The following MELTF variants were observed in gnomAD, a reference collection of about 807,000 sequenced individuals.
MELTF encodes antigen p97 (melanoma associated) identified by monoclonal antibodies 133.2 and 96.5.
In MELTF, 67 loss-of-function variants were observed where a neutral mutation model predicts 83.7. The observed-to-expected ratio is 0.80, with a 90% confidence interval of 0.66 to 0.98. MELTF has a LOEUF of 0.98. MELTF is among the 50% of genes least tolerant of loss of function. The probability of loss-of-function intolerance (pLI) is 0.00; values close to 1 mark genes in which losing one functional copy is unlikely to be tolerated. For synonymous variants in MELTF, 462 were observed against 447.6 expected (o/e 1.03, Z -0.41); for missense variants, 1,002 against 1,035.6 (o/e 0.97, Z 0.44).
At chr3:197,010,612 G>A in intron 10 of MELTF, 86 bp downstream of exon 10, 1 of 1,188,518 alleles carries the variant, frequency 8.4e-7, no homozygotes, top group Non-Finnish European at 1.2e-6. Context: ...TGGAGCTTTT[G>A]AAAATGGCTG....
intron 6 of MELTF, 33 bp downstream of exon 6, chr3:197,021,371 G>C: frequency 6.2e-7 from 1 of 1,611,012 alleles, no homozygotes; most frequent in African/African-American, 1.3e-5. Flanking sequence ...CTGACTCCCT[G>C]CTCCTCTGGG....
rs766008165 is a variant in MELTF at position 197,023,077 on chromosome 3, C to G, written c.524G>C (p.Gly175Ala). 1 of 1,613,730 alleles carries G rather than the reference C, an allele frequency of 6.2e-7. No individual in the cohort carries two copies. The highest frequency in any genetic ancestry group is 1.3e-5 in the African/African-American group (1 of 74,914). ...CTCAGAGTAACTGGTCTCTCCTGCCCCCGGGACGCAGCTGCCCCCAAAATA... is the reference window on the plus strand; with the variant it reads ...CTCAGAGTAACTGGTCTCTCCTGCCGCCGGGACGCAGCTGCCCCCAAAATA... The part of the protein sequence containing the change: ...SDYFGGSCVP[G>A]AGETSYSESL... Residue 175 changes from glycine (G) to alanine (A), a missense_variant, in exon 5 of 16, where the codon GGG becomes GCG. Transcript: ENST00000296350.
intron 1 of MELTF, 137 bp from the exon 2 acceptor site, chr3:197,028,047 A>C: frequency 1.0e-6 from 1 of 977,608 alleles, no homozygotes; most frequent in Non-Finnish European, 1.5e-6. Context: ...GCCCTCCCAC[A>C]GGGAGGCACT....
chr3:197,004,126 G>A, intron 14 of MELTF, 27 bp from the exon 15 acceptor site: 1 of 1,611,070 alleles, frequency 6.2e-7, no homozygotes, highest in Non-Finnish European at 8.5e-7. Context: ...CAGACGACCT[G>A]CTCCTCACTG....
At chr3:197,019,753 C>A (rs780033098) in intron 6 of MELTF, 1 of 1,603,660 alleles carries the variant, frequency 6.2e-7, no homozygotes, top group Non-Finnish European at 8.5e-7. Context: ...AGGGCACTCG[C>A]CTTCTTCCTC....
Position 197,022,927 on chromosome 3 carries a change from T to C in MELTF, c.644+30A>G, listed in dbSNP as rs2288766. 10 of 1,575,794 alleles carry C rather than the reference T, an allele frequency of 6.3e-6. No homozygotes were observed. In the South Asian group the frequency reaches 1.2e-4, roughly 18 times the overall value. On this transcript the variant is annotated intron_variant, in intron 5 of 15. Coordinates refer to ENST00000296350, the MANE Select transcript of MELTF (RefSeq NM_005929.6). This position sits in a 1 kb window ranked among gnomAD's most constrained non-coding sequence, Gnocchi z 5.1. ...TTGTGGCCTCAGCTCCTCCCTGCCCTCGGCCCCTCCCTGCCCCCACTCCGC... is the reference window on the plus strand; with the variant it reads ...TTGTGGCCTCAGCTCCTCCCTGCCCCCGGCCCCTCCCTGCCCCCACTCCGC...
Position 197,017,193 on chromosome 3 carries a change from C to A in MELTF, c.810G>T (p.Gln270His), listed in dbSNP as rs1719412899. The change falls in exon 7 of 16, where the codon CAG becomes CAT. Residue 270 changes from glutamine to histidine, a missense_variant. Coordinates refer to ENST00000296350, the MANE Select transcript of MELTF (RefSeq NM_005929.6). ...GSRADVTEWR[Q>H]CHLARVPAHA... ...GAGCAGGCACCCGGGCCAGATGGCA[C>A]TGCCTCCACTCGGTGACATCGGCCC... The A allele has an allele frequency of 6.2e-7, 1 of 1,605,174 alleles. No individual in the cohort carries two copies. The highest frequency in any genetic ancestry group is 1.3e-5 in the African/African-American group (1 of 74,892).
chr3:197,015,651 C>T, intron 8 of MELTF, 135 bp from the exon 9 acceptor site: 1 of 1,001,846 alleles, frequency 1.0e-6, no homozygotes, highest in Non-Finnish European at 1.4e-6. Context: ...CCATCGGATC[C>T]CACTTCCTCA....
At chr3:197,016,480 C>T (rs1719381650) in intron 7 of MELTF, 111 bp from the exon 8 acceptor site, 2 of 963,928 alleles carry the variant, frequency 2.1e-6, no homozygotes, top group Admixed American at 5.4e-5. Context: ...CAGGCACCCA[C>T]CCTGAGGGCC....
chr3:197,004,933 C>G (rs73208225), intron 14 of MELTF, among the ~76,000 whole-genome samples: 12 of 152,036 alleles, frequency 7.9e-5, no homozygotes, highest in African/African-American at 2.7e-4. Flanking sequence ...TAGCAACCCC[C>G]TAGGGAAGCC....
At chr3:197,027,384 C>A (rs1193047983) in intron 2 of MELTF, among the ~76,000 whole-genome samples, 1 of 152,258 alleles carries the variant, frequency 6.6e-6, no homozygotes, top group Admixed American at 6.5e-5. Flanking sequence ...CCAGCCCCTG[C>A]TCCTCCTTCC....
In MELTF at chr3:197,016,479, A is replaced by G. The variant is rs947396023; in HGVS notation, c.901-110T>C. On this transcript the variant is annotated intron_variant, in intron 7 of 15. Coordinates refer to ENST00000296350, the MANE Select transcript of MELTF (RefSeq NM_005929.6). Reference sequence around the variant, plus strand: ...TTCCCCGACCTCAGACCAGGCACCCACCCTGAGGGCCAGGTGAGGCCTCCC... The same window carrying G: ...TTCCCCGACCTCAGACCAGGCACCCGCCCTGAGGGCCAGGTGAGGCCTCCC... The G allele has an allele frequency of 6.2e-6, 6 of 973,472 alleles. No homozygotes were observed. The Admixed American group carries it at 1.1e-4, about 18-fold the overall frequency. The allele number at this position is 973,472 out of a possible 1,614,324, so 60.3% of individuals were successfully genotyped here.
rs1296939329 is a variant in MELTF, at chr3:197,006,927, C to A, written c.1751-191G>T. 2.0e-5 allele frequency among the ~76,000 whole-genome samples: 3 copies of A among 152,178 alleles called. No homozygotes were observed. Among genetic ancestry groups the A allele is most frequent in the Non-Finnish European group, 4.4e-5 (3 of 68,030 alleles). The stretch of plus-strand genomic sequence containing the variant: ...GTGAAAGAACCCAGCTGTGTTCATG[C>A]CATTAGCAGGAGCTGCCATTAATTA... On this transcript the variant is annotated intron_variant, in intron 13 of 15. Coordinates refer to ENST00000296350, the MANE Select transcript of MELTF (RefSeq NM_005929.6). This position sits in a 1 kb window ranked among gnomAD's most constrained non-coding sequence, Gnocchi z 5.4.
At chr3:197,023,213 G>A in intron 4 of MELTF, 100 bp from the exon 5 acceptor site, 1 of 1,198,632 alleles carries the variant, frequency 8.3e-7, no homozygotes, top group East Asian at 2.5e-5. Flanking sequence ...TCTGGACTCT[G>A]CTGAGAATGG....
chr3:197,015,617 G>A, intron 8 of MELTF, 101 bp from the exon 9 acceptor site: 1 of 1,297,524 alleles, frequency 7.7e-7, no homozygotes, highest in African/African-American at 1.5e-5. Flanking sequence ...CCTGTCAGGT[G>A]TGTGGCTGGG....
chr3:197,004,779 G>A (rs558046350), intron 14 of MELTF: 2 of 152,500 alleles, frequency 1.3e-5, no homozygotes, highest in South Asian at 2.1e-4. Flanking sequence ...TACTGATCAA[G>A]GAGGAACGAA....
chr3:197,010,602 T>G, intron 10 of MELTF, 96 bp downstream of exon 10: 8 of 1,031,476 alleles, frequency 7.8e-6, no homozygotes, highest in South Asian at 1.4e-5. Flanking sequence ...GAGAGAGGCA[T>G]GGAGCTTTTG....
intron 6 of MELTF, chr3:197,019,534 T>C: frequency 6.5e-7 from 1 of 1,539,928 alleles, no homozygotes. Context: ...GGCTGGGGGT[T>C]TGAGACCAGC....
rs977044957 is a variant in MELTF at position 197,006,697 on chromosome 3, T to C, written c.1790A>G (p.Glu597Gly). 1 of 1,574,584 alleles carries C rather than the reference T, an allele frequency of 6.4e-7. No individual in the cohort carries two copies. Among genetic ancestry groups the C allele is most frequent in the Non-Finnish European group, 8.6e-7 (1 of 1,161,724 alleles). Residue 597 changes from glutamate (E) to glycine (G), a missense_variant, in exon 14 of 16, where the codon GAG becomes GGG. By Grantham distance (98) the Glu-to-Gly change is moderately conservative. Coordinates refer to ENST00000296350, the MANE Select transcript of MELTF (RefSeq NM_005929.6). The surrounding 1 kb of genome is among the most constrained non-coding windows in gnomAD (Gnocchi z 5.4). The stretch of plus-strand genomic sequence containing the variant: ...GTTGGGGCACAGCAGTTCATAGTCC[T>C]CTGACCTGAGCTCAGCAGCCCAGGG... Reference protein sequence around the residue: ...SEPWAAELRSEDYELLCPNGA... With the variant: ...SEPWAAELRSGDYELLCPNGA...
Sources: allele counts gnomAD v4.1 joint callset (sites outside exome capture counted in the v4.1 genomes callset), GRCh38; gene constraint gnomAD v4.1.1; non-coding constraint Gnocchi (gnomAD v3.1); transcripts MANE v1.5; gene names NCBI Gene and HGNC (gene_info 2026-07-23, HGNC 2026-07-21).